The following FBXO16 variants were observed in gnomAD, a reference collection of about 807,000 sequenced individuals.
FBXO16 encodes the protein F-box only protein 16.
Under a neutral mutation model 41.0 loss-of-function variants are expected in FBXO16, and 31 were observed. The ratio of observed to expected loss-of-function variants is 0.76; its 90% CI spans 0.57 to 1.02. The LOEUF is 1.02. FBXO16 is among the 50% of genes least tolerant of loss of function. FBXO16 has a pLI of 0.00. For synonymous variants in FBXO16, 133 were observed against 117.8 expected, an observed-to-expected ratio of 1.13 and a Z score of -0.84; for missense variants, 361 against 346.2, an observed-to-expected ratio of 1.04 and a Z score of -0.34.
At chr8:28,452,077 C>A (rs1037353781) in intron 6 of FBXO16, among the ~76,000 whole-genome samples, 167 bp downstream of exon 6, 3 of 151,768 alleles carry the variant, frequency 2.0e-5, no homozygotes, top group Non-Finnish European at 4.4e-5. Flanking sequence ...ACCAATAGAG[C>A]AAATTTGCTA....
chr8:28,457,246 G>C (rs529587005), intron 4 of FBXO16, among the ~76,000 whole-genome samples: 2 of 152,184 alleles, frequency 1.3e-5, no homozygotes, highest in Admixed American at 6.5e-5. Flanking sequence ...TATTGTAAAT[G>C]AGGAAATTGA....
At chr8:28,447,062 C>G (rs1203434752) in intron 7 of FBXO16, 109 bp downstream of exon 7, 1 of 969,164 alleles carries the variant, frequency 1.0e-6, no homozygotes, top group African/African-American at 1.6e-5. Context: ...TTTAAATCAC[C>G]ACTCCATGAT....
chr8:28,473,658 G>T, intron 3 of FBXO16, 114 bp downstream of exon 3: 3 of 889,556 alleles, frequency 3.4e-6, no homozygotes, highest in Non-Finnish European at 5.4e-6. Flanking sequence ...TATCCAAGTT[G>T]AGTAAAATAT....
intron 7 of FBXO16, among the ~76,000 whole-genome samples, chr8:28,442,004 C>T (rs1256232911): frequency 9.3e-5 from 13 of 139,848 alleles, no homozygotes; most frequent in Non-Finnish European, 1.8e-4. Flanking sequence ...AGTGCAGTGG[C>T]GCGATCTCAG....
chr8:28,430,709 T>C lies in FBXO16; in HGVS notation c.844-1306A>G, dbSNP rs761222852. Among the ~76,000 whole-genome samples, 7 of 152,248 alleles carry C rather than the reference T, an allele frequency of 4.6e-5. No individual in the cohort carries two copies. The South Asian group carries it at 6.2e-4, about 14-fold the overall frequency. On this transcript the variant is annotated intron_variant, in intron 7 of 8. Transcript: ENST00000380254. ...TTGAATGGCCAGGCGCAGTGGCTCA[T>C]GCCTGTAATCCTAGCACTTTGGGAG... is the stretch of plus-strand genomic sequence containing the variant.
At chr8:28,485,121 C>A (rs532715487) in intron 1 of FBXO16, among the ~76,000 whole-genome samples, 87 of 152,224 alleles carry the variant, frequency 5.7e-4, no homozygotes, top group African/African-American at 1.9e-3. Flanking sequence ...GGGACCAGGG[C>A]CTGCTCGCCT....
intron 2 of FBXO16, among the ~76,000 whole-genome samples, chr8:28,480,494 CT>C (rs1326887568): frequency 6.6e-6 from 1 of 151,612 alleles, no homozygotes; most frequent in Non-Finnish European, 1.5e-5. Flanking sequence ...TTTTCTTTTT[CT>C]TTCTTTCTTT....
chr8:28,472,134 C>T (rs1309070366), intron 3 of FBXO16, among the ~76,000 whole-genome samples: 1 of 152,120 alleles, frequency 6.6e-6, no homozygotes, highest in African/African-American at 2.4e-5. Flanking sequence ...TGCTCTGTTG[C>T]CCAGGCTGGA....
intron 4 of FBXO16, among the ~76,000 whole-genome samples, chr8:28,460,223 G>GTATATATATATATATA (rs1408340610): frequency 8.9e-5 from 8 of 89,776 alleles, no homozygotes; most frequent in East Asian, 4.1e-4. Flanking sequence ...ATATATGTGT[G>GTATATATATATATATA]TGTATATATA....
intron 7 of FBXO16, among the ~76,000 whole-genome samples, chr8:28,432,083 C>T (rs1481656594): frequency 6.6e-6 from 1 of 151,762 alleles, no homozygotes; most frequent in Non-Finnish European, 1.5e-5. Flanking sequence ...ATGCTGTGAA[C>T]ACCACTGCTG....
intron 3 of FBXO16, among the ~76,000 whole-genome samples, chr8:28,467,237 C>G (rs1803259104): frequency 6.6e-6 from 1 of 152,090 alleles, no homozygotes; most frequent in Non-Finnish European, 1.5e-5. Context: ...AAAGATAACT[C>G]AAAATGCCTA....
At chr8:28,467,334 T>A (rs1178275530) in intron 3 of FBXO16, among the ~76,000 whole-genome samples, 1 of 152,178 alleles carries the variant, frequency 6.6e-6, no homozygotes, top group Non-Finnish European at 1.5e-5. Context: ...GGCTTAGGAA[T>A]AAGACAATTT....
In FBXO16 at chr8:28,467,280, T is replaced by C. The variant is rs545605037; in HGVS notation, c.136-3462A>G. The stretch of plus-strand genomic sequence containing the variant: ...GGGATCAGCTAAACAAACCGTAATA[T>C]ATCAACATGATAGGGGAAAGCAGGG... On this transcript the variant is annotated intron_variant, in intron 3 of 8. Transcript: ENST00000380254. 2.0e-5 allele frequency among the ~76,000 whole-genome samples: 3 copies of C among 152,288 alleles called. No homozygotes were observed. The East Asian group carries it at 5.8e-4, about 29-fold the overall frequency.
intron 6 of FBXO16, among the ~76,000 whole-genome samples, chr8:28,449,690 C>T (rs184153269): frequency 1.5e-3 from 229 of 151,916 alleles, no homozygotes; most frequent in African/African-American, 5.1e-3. Flanking sequence ...AAGGGTGATA[C>T]GGGTCAGGTG....
intron 7 of FBXO16, among the ~76,000 whole-genome samples, chr8:28,437,560 T>A (rs17059085): frequency 0.051 from 7,763 of 152,274 alleles, 493 homozygotes; most frequent in East Asian, 0.2. Context: ...CATTCTTCAG[T>A]CTAGGAGCAT....
intron 6 of FBXO16, among the ~76,000 whole-genome samples, chr8:28,448,786 C>T (rs190296294): frequency 6.6e-6 from 1 of 152,184 alleles, no homozygotes; most frequent in African/African-American, 2.4e-5. Context: ...AGGCTCAATC[C>T]AGCCTGCTGC....
At chr8:28,488,739 G>A (rs1341975481) in intron 1 of FBXO16, among the ~76,000 whole-genome samples, 1 of 152,186 alleles carries the variant, frequency 6.6e-6, no homozygotes, top group Non-Finnish European at 1.5e-5. Context: ...TAAAAGACCA[G>A]TTGATCATGT....
intron 3 of FBXO16, among the ~76,000 whole-genome samples, chr8:28,471,070 C>A (rs1803326925): frequency 1.3e-5 from 2 of 152,084 alleles, no homozygotes; most frequent in African/African-American, 2.4e-5. Flanking sequence ...GAGGGAATCA[C>A]CTTTTCTAAC....
chr8:28,474,891 G>C (rs763609031), intron 2 of FBXO16, among the ~76,000 whole-genome samples: 9 of 152,210 alleles, frequency 5.9e-5, no homozygotes, highest in Non-Finnish European at 1.0e-4. Flanking sequence ...TTACATATTG[G>C]TGTTGAGGTG....
Sources: gnomAD v4.1 joint callset for allele counts (sites outside exome capture counted in the v4.1 genomes callset) on GRCh38, gnomAD v4.1.1 for gene constraint, MANE v1.5 for transcripts, NCBI Gene and HGNC (gene_info 2026-07-23, HGNC 2026-07-21) for gene names.